Variants in RBFOX3 observed in about 807,000 individuals in gnomAD.
RBFOX3 encodes the protein RNA binding protein fox-1 homolog 3.
Under a neutral mutation model 48.7 loss-of-function variants are expected in RBFOX3, and 17 were observed. That is an observed-to-expected ratio of 0.35 (90% CI 0.24 to 0.52). RBFOX3 has a LOEUF of 0.52. Among genes scored for constraint, RBFOX3 ranks in the 20% least tolerant of loss-of-function variants. The pLI, the probability that RBFOX3 is intolerant of heterozygous loss-of-function variation, is 0.94. For missense variants in RBFOX3, 382 were observed against 497.5 expected, an observed-to-expected ratio of 0.77 and a Z score of 2.21; for synonymous variants, 212 against 209.5, an observed-to-expected ratio of 1.01 and a Z score of -0.10.
chr17:79,289,616 C>A (rs1484635109), intron 3 of RBFOX3, among the ~76,000 whole-genome samples: 1 of 152,258 alleles, frequency 6.6e-6, no homozygotes, highest in Non-Finnish European at 1.5e-5. Flanking sequence ...TCTGGTCCTA[C>A]TTCCTGGCTC....
intron 2 of RBFOX3, among the ~76,000 whole-genome samples, chr17:79,444,542 C>T (rs1159343948): frequency 3.3e-5 from 5 of 152,110 alleles, no homozygotes; most frequent in African/African-American, 2.4e-5. Context: ...GCCTCCCTCA[C>T]CAAACCTCTC....
At chr17:79,130,173 G>C (rs1023354636) in intron 4 of RBFOX3, among the ~76,000 whole-genome samples, 3 of 152,118 alleles carry the variant, frequency 2.0e-5, no homozygotes, top group Non-Finnish European at 2.9e-5. Flanking sequence ...CGGACGCCCC[G>C]CCACACTGCA....
At chr17:79,472,623 GC>G (rs1164377561) in intron 2 of RBFOX3, among the ~76,000 whole-genome samples, 8 of 152,152 alleles carry the variant, frequency 5.3e-5, no homozygotes, top group Admixed American at 5.2e-4. Context: ...TAGACTTCTG[GC>G]CTCTTGAATT....
intron 2 of RBFOX3, among the ~76,000 whole-genome samples, chr17:79,452,344 T>C (rs537180260): frequency 2.0e-5 from 3 of 152,130 alleles, no homozygotes; most frequent in Admixed American, 6.5e-5. Context: ...GCAGTCATGG[T>C]GGAAGGGAAG....
chr17:79,315,742 C>T (rs1286361367), intron 2 of RBFOX3, among the ~76,000 whole-genome samples: 1 of 152,086 alleles, frequency 6.6e-6, no homozygotes, highest in Non-Finnish European at 1.5e-5. Context: ...GGCTGCCGCC[C>T]GTGCCGCCAC....
chr17:79,095,454 G>A (rs1174226580), intron 13 of RBFOX3, 59 bp downstream of exon 13: 1 of 1,468,098 alleles, frequency 6.8e-7, no homozygotes, highest in African/African-American at 1.4e-5. Flanking sequence ...AGCTCCCCAG[G>A]GATCCTTGTC....
At chr17:79,217,315 C>T (rs1294940011) in intron 4 of RBFOX3, among the ~76,000 whole-genome samples, 1 of 152,184 alleles carries the variant, frequency 6.6e-6, no homozygotes, top group African/African-American at 2.4e-5. Context: ...GAGATATGTT[C>T]ACTCGAGGAT....
At chr17:79,404,731 A>G (rs897091091) in intron 2 of RBFOX3, among the ~76,000 whole-genome samples, 2 of 151,976 alleles carry the variant, frequency 1.3e-5, no homozygotes, top group East Asian at 3.9e-4. Context: ...AGAACCATCC[A>G]TGGCTCCCTG....
the RBFOX3 span, among the ~76,000 whole-genome samples, chr17:79,646,366 G>C: frequency 1.3e-5 from 2 of 152,208 alleles, no homozygotes; most frequent in Non-Finnish European, 2.9e-5. Flanking sequence ...CATTGTATTA[G>C]TCTGTTCTCA....
At chr17:79,469,670 C>T (rs1598835441) in intron 2 of RBFOX3, among the ~76,000 whole-genome samples, 1 of 152,100 alleles carries the variant, frequency 6.6e-6, no homozygotes, top group Admixed American at 6.5e-5. Flanking sequence ...TGTGGGACCC[C>T]AAAAAACAGG....
intron 1 of RBFOX3, among the ~76,000 whole-genome samples, chr17:79,538,093 T>C (rs1342561779): frequency 6.6e-6 from 1 of 152,208 alleles, no homozygotes; most frequent in African/African-American, 2.4e-5. Context: ...GCTCTTCCCC[T>C]GAGCCAGGCT....
intron 1 of RBFOX3, among the ~76,000 whole-genome samples, chr17:79,490,551 C>T (rs2080334854): frequency 1.3e-5 from 2 of 152,150 alleles, no homozygotes; most frequent in South Asian, 4.1e-4. Flanking sequence ...CTCAGCCTGG[C>T]TATGGCTGGC....
rs1000992077 is a variant in RBFOX3, at chr17:79,523,433, G to A, written c.-319-40835C>T. On this transcript the variant is annotated intron_variant, in intron 1 of 14. Coordinates refer to ENST00000693108, the MANE Select transcript of RBFOX3 (RefSeq NM_001350451.2). The stretch of plus-strand genomic sequence containing the variant: ...GTGTTCAGAGGGCGGGAAACGGGCT[G>A]GAGGGAGGAGAGGTCCTTCTGTGCT... Among the ~76,000 whole-genome samples, 507 of 152,352 alleles carry A rather than the reference G, an allele frequency of 3.3e-3. 7 individuals carry two copies. The highest frequency in any genetic ancestry group is 0.012 in the African/African-American group (488 of 41,588).
chr17:79,455,217 A>T (rs2074270788), intron 2 of RBFOX3, among the ~76,000 whole-genome samples: 1 of 152,212 alleles, frequency 6.6e-6, no homozygotes, highest in Non-Finnish European at 1.5e-5. Context: ...TGCTACTCCC[A>T]GGTCAGCAGC....
chr17:79,611,176 GCC>G (rs2093964920), upstream of RBFOX3, among the ~76,000 whole-genome samples: 1 of 4,302 alleles, frequency 2.3e-4, no homozygotes, highest in Non-Finnish European at 5.1e-4. Context: ...CTCTCTCTCC[GCC>G]CTCCTTCTCT....
chr17:79,367,574 T>C (rs924686850), intron 2 of RBFOX3, among the ~76,000 whole-genome samples: 8 of 152,030 alleles, frequency 5.3e-5, no homozygotes, highest in African/African-American at 1.9e-4. Flanking sequence ...CCGCTTTCCC[T>C]GGTTTTAAGG....
At chr17:79,512,646 G>A (rs1260283234) in intron 1 of RBFOX3, among the ~76,000 whole-genome samples, 20 of 99,850 alleles carry the variant, frequency 2.0e-4, no homozygotes, top group East Asian at 6.6e-4. Context: ...CATCGGGTAC[G>A]GCCCCATGGC....
chr17:79,565,571 C>T (rs1233819681), intron 1 of RBFOX3, among the ~76,000 whole-genome samples: 3 of 152,134 alleles, frequency 2.0e-5, no homozygotes, highest in African/African-American at 7.2e-5. Context: ...GAACCCCTGA[C>T]CGCAATTGAT....
chr17:79,447,335 T>C (rs2072543226), intron 2 of RBFOX3, among the ~76,000 whole-genome samples: 1 of 152,136 alleles, frequency 6.6e-6, no homozygotes, highest in Non-Finnish European at 1.5e-5. Context: ...TGCAGCCTCA[T>C]CCATCCAGCC....
Sources: gnomAD v4.1 joint callset for allele counts (sites outside exome capture counted in the v4.1 genomes callset) on GRCh38, gnomAD v4.1.1 for gene constraint, MANE v1.5 for transcripts, NCBI Gene and HGNC (gene_info 2026-07-23, HGNC 2026-07-21) for gene names.